The following CR1 variants were observed in gnomAD, a reference collection of about 807,000 sequenced individuals.
CR1 encodes complement receptor type 1.
Under a neutral mutation model 187.3 loss-of-function variants are expected in CR1, and 116 were observed. The observed-to-expected ratio is 0.62, with a 90% CI of 0.53 to 0.72. The LOEUF is 0.72. Among genes scored for constraint, CR1 ranks in the 30% least tolerant of loss-of-function variants. The pLI, the probability that CR1 is intolerant of heterozygous loss-of-function variation, is 0.00. For missense variants in CR1, 1,731 were observed against 2,110.7 expected (o/e 0.82, Z 3.52); for synonymous variants, 576 against 747.1 (o/e 0.77, Z 3.73).
At chr1:207,609,105 A>G (rs541207012) in intron 36 of CR1, among the ~76,000 whole-genome samples, 185 bp from the exon 37 acceptor site, 214 of 152,346 alleles carry the variant, frequency 1.4e-3, no homozygotes, top group Non-Finnish European at 1.8e-3. Context: ...CAGAACCCAT[A>G]TCATACACAC....
intron 35 of CR1, among the ~76,000 whole-genome samples, chr1:207,603,799 G>T (rs189505906): frequency 6.6e-6 from 1 of 152,084 alleles, no homozygotes; most frequent in African/African-American, 2.4e-5. Context: ...AATTAAAGTG[G>T]TTTCGCATTT....
At chr1:207,621,722 G>T (rs1198435261) in intron 43 of CR1, among the ~76,000 whole-genome samples, 1 of 152,142 alleles carries the variant, frequency 6.6e-6, no homozygotes, top group Non-Finnish European at 1.5e-5. Context: ...GAGGATTGGG[G>T]TGACTTTTTT....
intron 37 of CR1, among the ~76,000 whole-genome samples, 157 bp downstream of exon 37, chr1:207,609,845 T>C (rs1661869762): frequency 6.6e-6 from 1 of 152,230 alleles, no homozygotes; most frequent in South Asian, 2.1e-4. Context: ...TGTCTCAAAG[T>C]AATGGCTTAT....
intron 24 of CR1, among the ~76,000 whole-genome samples, chr1:207,567,525 A>G (rs1476998627): frequency 2.0e-5 from 3 of 150,436 alleles, no homozygotes; most frequent in South Asian, 4.1e-4. Flanking sequence ...CTAAATGAAT[A>G]AATAACCCTT....
intron 4 of CR1, among the ~76,000 whole-genome samples, chr1:207,517,008 A>C (rs1659828200): frequency 6.6e-6 from 1 of 152,136 alleles, no homozygotes; most frequent in African/African-American, 2.4e-5. Context: ...GGCTTTTAAT[A>C]GTCCTCATAA....
At chr1:207,503,236 G>A (rs1301503080) in intron 1 of CR1, among the ~76,000 whole-genome samples, 1 of 152,118 alleles carries the variant, frequency 6.6e-6, no homozygotes, top group African/African-American at 2.4e-5. Flanking sequence ...AGATTAAGCG[G>A]TTTGCCTAAG....
chr1:207,632,733 G>A (rs1415165735), intron 46 of CR1, among the ~76,000 whole-genome samples: 2 of 146,500 alleles, frequency 1.4e-5, no homozygotes, highest in African/African-American at 5.1e-5. Context: ...GGGAGGCGGA[G>A]CTTGCAGTGA....
chr1:207,612,827 A>G (rs373419917), intron 39 of CR1, among the ~76,000 whole-genome samples: 2 of 152,354 alleles, frequency 1.3e-5, no homozygotes, highest in Middle Eastern at 3.4e-3. Flanking sequence ...GGCATGTCGC[A>G]CTGAAGGGAA....
intron 5 of CR1, 33 bp downstream of exon 5, chr1:207,524,042 C>T (rs754632484): frequency 6.2e-7 from 1 of 1,611,298 alleles, no homozygotes; most frequent in Admixed American, 1.7e-5. Context: ...AGGGCCCTGC[C>T]AGTGACATGC....
At chr1:207,567,272 T>G (rs1423673858) in intron 24 of CR1, among the ~76,000 whole-genome samples, 1 of 149,716 alleles carries the variant, frequency 6.7e-6, no homozygotes, top group Non-Finnish European at 1.5e-5. Context: ...GGAGTTTTTT[T>G]TTTTTTTTTA....
chr1:207,505,379 G>C (rs1659394827), intron 1 of CR1, among the ~76,000 whole-genome samples: 1 of 152,096 alleles, frequency 6.6e-6, no homozygotes, highest in Admixed American at 6.5e-5. Context: ...GGCCAGCCTG[G>C]TCTCAAACTC....
chr1:207,605,312 G>C (rs1661715847), intron 35 of CR1, among the ~76,000 whole-genome samples: 2 of 147,214 alleles, frequency 1.4e-5, no homozygotes, highest in African/African-American at 5.0e-5. Flanking sequence ...AAAATTGCTA[G>C]AAGAGTAGAT....
At chr1:207,637,394 A>C (rs980366410) in intron 46 of CR1, among the ~76,000 whole-genome samples, 2 of 152,254 alleles carry the variant, frequency 1.3e-5, no homozygotes, top group African/African-American at 4.8e-5. Context: ...CATTCTTCCC[A>C]AACTAAAACT....
chr1:207,616,199 T>G (rs1417940285), intron 40 of CR1, among the ~76,000 whole-genome samples: 1 of 152,186 alleles, frequency 6.6e-6, no homozygotes, highest in African/African-American at 2.4e-5. Context: ...AAACTTATGG[T>G]CTCTGATGAC....
rs192086206 is a variant in CR1, at chr1:207,619,744, A to T, written c.7067-136A>T. On this transcript the variant is annotated intron_variant, in intron 42 of 46. Transcript: ENST00000367049. ...ATCATAAGGTTTTTGGAGGAGGAAG[A>T]TTAGTAACATGTTTAAAAACATGCT... 6.4e-5 allele frequency: 43 copies of T among 668,116 alleles called. No individual in the cohort carries two copies. In the East Asian group the frequency reaches 1.1e-3, roughly 17 times the overall value. 41.4% of individuals were successfully genotyped at this position (668,116 alleles called of 1,614,324 possible).
At chr1:207,614,019 T>G (rs933368762) in intron 39 of CR1, among the ~76,000 whole-genome samples, 5 of 152,180 alleles carry the variant, frequency 3.3e-5, no homozygotes, top group African/African-American at 1.2e-4. Context: ...TGAGAATAAG[T>G]GGGATGTCAG....
Position 207,582,649 on chromosome 1 carries a change from A to G in CR1, c.5302+646A>G, listed in dbSNP as rs368871259. ...GGTGTAGCTGAGGGTTCAAAATGGG[A>G]GGCTGTTGCAGCAATCTAATCAGAG... On this transcript the variant is annotated intron_variant, in intron 32 of 46. Coordinates refer to ENST00000367049, the MANE Select transcript of CR1 (RefSeq NM_000651.6). 3.6e-3 allele frequency among the ~76,000 whole-genome samples: 541 copies of G among 152,316 alleles called. 5 individuals carry two copies. Among genetic ancestry groups the G allele is most frequent in the African/African-American group, 0.013 (527 of 41,582 alleles).
At chr1:207,595,164 A>G (rs1315358880) in intron 35 of CR1, among the ~76,000 whole-genome samples, 1 of 151,854 alleles carries the variant, frequency 6.6e-6, no homozygotes, top group Admixed American at 6.6e-5. Flanking sequence ...AAAACACCAA[A>G]GGGATAATGA....
At chr1:207,519,623 C>T (rs751335545) in intron 4 of CR1, among the ~76,000 whole-genome samples, 4 of 152,098 alleles carry the variant, frequency 2.6e-5, no homozygotes, top group Non-Finnish European at 5.9e-5. Context: ...TGTTGCCATA[C>T]GTTTTGCAAA....
Sources: gnomAD v4.1 joint callset for allele counts (sites outside exome capture counted in the v4.1 genomes callset) on GRCh38, gnomAD v4.1.1 for gene constraint, MANE v1.5 for transcripts, NCBI Gene and HGNC (gene_info 2026-07-23, HGNC 2026-07-21) for gene names.